The following AUTS2 variants were observed in gnomAD, a reference collection of about 807,000 sequenced individuals.
AUTS2 encodes the protein autism susceptibility gene 2 protein.
In AUTS2, 17 loss-of-function variants were observed where a neutral mutation model predicts 112.4. That is an observed-to-expected ratio of 0.15 (90% CI 0.10 to 0.23). The LOEUF is 0.23. Ranked by LOEUF, AUTS2 falls within the 10% of genes least tolerant of loss-of-function variation. AUTS2 has a pLI of 1.00. For missense variants in AUTS2, 1,510 were observed against 1,701.6 expected, an observed-to-expected ratio of 0.89 and a Z score of 1.98; for synonymous variants, 751 against 702.7, an observed-to-expected ratio of 1.07 and a Z score of -1.09.
chr7:70,190,686 C>G (rs997362061), intron 4 of AUTS2, among the ~76,000 whole-genome samples: 4 of 152,114 alleles, frequency 2.6e-5, no homozygotes, highest in African/African-American at 9.7e-5. Flanking sequence ...TTGCCAATTG[C>G]ATTACTCTTC....
chr7:70,783,687 G>A (rs1189491657), intron 15 of AUTS2: 2 of 152,194 alleles, frequency 1.3e-5, no homozygotes, highest in East Asian at 1.9e-4. Context: ...TGTAACTGAT[G>A]TGTATAACTT....
At chr7:70,125,187 G>A (rs1236112013) in intron 3 of AUTS2, among the ~76,000 whole-genome samples, 1 of 149,246 alleles carries the variant, frequency 6.7e-6, no homozygotes, top group East Asian at 2.0e-4. Flanking sequence ...TTGGGTACTG[G>A]GTATTTCTGG....
chr7:70,715,080 C>G (rs1419116034), intron 6 of AUTS2, among the ~76,000 whole-genome samples: 1 of 152,222 alleles, frequency 6.6e-6, no homozygotes, highest in Non-Finnish European at 1.5e-5. Context: ...TACAATGGCA[C>G]TTTCCCTCAT....
chr7:70,609,177 G>C lies in AUTS2; in HGVS notation c.691-89392G>C, dbSNP rs78917237. 4.9e-3 allele frequency among the ~76,000 whole-genome samples: 747 copies of C among 152,138 alleles called. 7 individuals carry two copies. The highest frequency in any genetic ancestry group is 0.017 in the African/African-American group (705 of 41,514). ...TAGATCTTCTAAACACATTCCTTCT[G>C]TCTAGCTGAAATTTTACATCCTTTG... On this transcript the variant is annotated intron_variant, in intron 5 of 18. Transcript: ENST00000342771.
intron 5 of AUTS2, among the ~76,000 whole-genome samples, chr7:70,564,782 T>A (rs1478914622): frequency 6.6e-6 from 1 of 152,160 alleles, no homozygotes; most frequent in Admixed American, 6.6e-5. Flanking sequence ...GAGGTTTTTT[T>A]AGTACGAGGA....
At chr7:70,285,384 T>C (rs1250840669) in intron 4 of AUTS2, among the ~76,000 whole-genome samples, 1 of 152,198 alleles carries the variant, frequency 6.6e-6, no homozygotes, top group Admixed American at 6.5e-5. Context: ...AGTGTTTATT[T>C]TGTAATAGTT....
chr7:70,348,494 C>G (rs1451883919), intron 4 of AUTS2, among the ~76,000 whole-genome samples: 1 of 152,138 alleles, frequency 6.6e-6, no homozygotes, highest in Non-Finnish European at 1.5e-5. Context: ...CAGTGCTCAG[C>G]AGGCAGTGGC....
chr7:69,654,949 G>T (rs1322268480), intron 1 of AUTS2, among the ~76,000 whole-genome samples: 2 of 152,098 alleles, frequency 1.3e-5, no homozygotes, highest in Non-Finnish European at 2.9e-5. Flanking sequence ...GCTTTGTAAA[G>T]ATTAGTTAAT....
chr7:70,284,955 T>A (rs1006199673), intron 4 of AUTS2, among the ~76,000 whole-genome samples: 4 of 152,234 alleles, frequency 2.6e-5, no homozygotes, highest in Non-Finnish European at 5.9e-5. Context: ...AAGGGCCCCT[T>A]TCCTCTGCAT....
At chr7:69,676,909 T>G (rs1219134690) in intron 1 of AUTS2, among the ~76,000 whole-genome samples, 1 of 152,046 alleles carries the variant, frequency 6.6e-6, no homozygotes, top group Non-Finnish European at 1.5e-5. Context: ...GTAAAGGAAG[T>G]GCATTATGTT....
At chr7:70,528,921 C>CA (rs1029707123) in intron 5 of AUTS2, among the ~76,000 whole-genome samples, 55 of 152,068 alleles carry the variant, frequency 3.6e-4, no homozygotes, top group African/African-American at 1.3e-3. Flanking sequence ...AGGATAATAG[C>CA]AACCAGAAAA....
chr7:69,829,755 T>A (rs1240355053), intron 1 of AUTS2, among the ~76,000 whole-genome samples: 1 of 152,200 alleles, frequency 6.6e-6, no homozygotes, highest in Admixed American at 6.5e-5. Context: ...GGAGAGGCTG[T>A]GGCGAAATAG....
chr7:70,097,827 A>G (rs915139771), intron 2 of AUTS2, among the ~76,000 whole-genome samples: 4 of 152,222 alleles, frequency 2.6e-5, no homozygotes, highest in Admixed American at 6.5e-5. Context: ...GCTTCATGCA[A>G]TTATCAGGCT....
intron 1 of AUTS2, among the ~76,000 whole-genome samples, chr7:69,655,142 A>G (rs1287962567): frequency 6.6e-6 from 1 of 152,190 alleles, no homozygotes; most frequent in African/African-American, 2.4e-5. Flanking sequence ...TTCACAGCCT[A>G]GTAATTAGAA....
At chr7:70,453,738 C>T (rs578200621) in intron 5 of AUTS2, among the ~76,000 whole-genome samples, 32 of 152,280 alleles carry the variant, frequency 2.1e-4, no homozygotes, top group Admixed American at 7.8e-4. Context: ...TTTCCTCTTT[C>T]GTGTGTCTCA....
intron 4 of AUTS2, among the ~76,000 whole-genome samples, chr7:70,336,654 C>A (rs1188138541): frequency 5.3e-5 from 8 of 152,244 alleles, no homozygotes; most frequent in East Asian, 3.9e-4. Flanking sequence ...AAAAATAATT[C>A]TTCACTCTGT....
At chr7:70,613,797 G>T (rs1318542340) in intron 5 of AUTS2, among the ~76,000 whole-genome samples, 5 of 152,186 alleles carry the variant, frequency 3.3e-5, no homozygotes, top group African/African-American at 1.2e-4. Context: ...TGGCTCCTTG[G>T]AGTCTTCCAG....
chr7:70,601,336 A>G (rs1803462706), intron 5 of AUTS2, among the ~76,000 whole-genome samples: 1 of 152,202 alleles, frequency 6.6e-6, no homozygotes, highest in Non-Finnish European at 1.5e-5. Context: ...AGAAATGTCT[A>G]TTCAGATCCT....
intron 4 of AUTS2, among the ~76,000 whole-genome samples, chr7:70,170,273 C>T (rs1808604098): frequency 6.6e-6 from 1 of 151,106 alleles, no homozygotes. Flanking sequence ...GATCCTCCCA[C>T]CTCAGCCTCC....
Sources: allele counts gnomAD v4.1 joint callset (sites outside exome capture counted in the v4.1 genomes callset), GRCh38; gene constraint gnomAD v4.1.1; transcripts MANE v1.5; gene names NCBI Gene and HGNC (gene_info 2026-07-23, HGNC 2026-07-21).